The following DHRSX variants were observed in gnomAD, a reference collection of about 807,000 sequenced individuals.
The protein encoded by DHRSX is polyprenol dehydrogenase.
Under a neutral mutation model 34.0 loss-of-function variants are expected in DHRSX, and 31 were observed. The observed-to-expected ratio is 0.91, with a 90% confidence interval of 0.69 to 1.23. The LOEUF (loss-of-function observed/expected upper bound fraction) is 1.23. Among genes scored for constraint, DHRSX ranks in the 50% most tolerant of loss-of-function variants. DHRSX has a pLI of 0.00. For synonymous variants in DHRSX, 201 were observed against 183.8 expected, an observed-to-expected ratio of 1.09 and a Z score of -0.76; for missense variants, 414 against 428.1, an observed-to-expected ratio of 0.97 and a Z score of 0.29.
chrX:2,489,707 T>G, intron 1 of DHRSX: 1 of 1,612,924 alleles, frequency 6.2e-7, no homozygotes, highest in Non-Finnish European at 8.5e-7. Flanking sequence ...CACGTTCTGC[T>G]GCTTCTGCTT....
chrX:2,248,876 T>C (rs968481804), intron 5 of DHRSX, among the ~76,000 whole-genome samples: 1 of 152,172 alleles, frequency 6.6e-6, no homozygotes, highest in South Asian at 2.1e-4. Context: ...TCAGACGTCG[T>C]TGAACCTAAG....
chrX:2,356,365 ACT>A (rs2042852120), intron 3 of DHRSX, among the ~76,000 whole-genome samples: 8 of 152,124 alleles, frequency 5.3e-5, no homozygotes, highest in Admixed American at 5.2e-4. Context: ...ACAAAGCAAG[ACT>A]CTGTCTCAAA....
chrX:2,251,081 G>A (rs924833163), intron 5 of DHRSX, among the ~76,000 whole-genome samples: 5 of 152,104 alleles, frequency 3.3e-5, no homozygotes, highest in African/African-American at 1.2e-4. Flanking sequence ...ACCTCCAGGG[G>A]CTCAGTTCTG....
chrX:2,393,565 G>A (rs112187230), intron 3 of DHRSX, among the ~76,000 whole-genome samples: 2,196 of 12,526 alleles, frequency 0.18, 59 homozygotes, highest in Non-Finnish European at 0.22. Flanking sequence ...GGCGCACACA[G>A]GACACCCAGG....
At chrX:2,321,534 CT>C (rs1222645110) in intron 3 of DHRSX, among the ~76,000 whole-genome samples, 1 of 152,024 alleles carries the variant, frequency 6.6e-6, no homozygotes, top group Non-Finnish European at 1.5e-5. Flanking sequence ...GATTCGTGCC[CT>C]TGTAAGAAGA....
intron 3 of DHRSX, among the ~76,000 whole-genome samples, chrX:2,385,150 ATG>A (rs1342291783): frequency 2.5e-5 from 3 of 117,906 alleles, no homozygotes; most frequent in Non-Finnish European, 3.6e-5. Flanking sequence ...GTGTATATAT[ATG>A]TGTGTGTGTG....
chrX:2,240,029 A>G (rs1367926575), intron 6 of DHRSX, among the ~76,000 whole-genome samples: 1 of 152,042 alleles, frequency 6.6e-6, no homozygotes, highest in Non-Finnish European at 1.5e-5. Flanking sequence ...GCGGTGGCTC[A>G]CGCCTGTAAT....
At chrX:2,446,986 G>C (rs958827756) in intron 1 of DHRSX, among the ~76,000 whole-genome samples, 2 of 151,736 alleles carry the variant, frequency 1.3e-5, no homozygotes, top group African/African-American at 4.8e-5. Context: ...ATGCAGCCAA[G>C]GGACGGCACT....
chrX:2,274,344 ATAT>A (rs949796421), intron 4 of DHRSX, among the ~76,000 whole-genome samples: 2 of 148,996 alleles, frequency 1.3e-5, no homozygotes, highest in East Asian at 2.0e-4. Context: ...AGCCCTACTA[ATAT>A]TATTATTTTT....
At chrX:2,364,582 T>C (rs1190390944) in intron 3 of DHRSX, among the ~76,000 whole-genome samples, 1 of 152,224 alleles carries the variant, frequency 6.6e-6, no homozygotes, top group Non-Finnish European at 1.5e-5. Flanking sequence ...CACCTACTTA[T>C]CTACCGTCTA....
chrX:2,394,107 G>T (rs1286996510), intron 3 of DHRSX, among the ~76,000 whole-genome samples: 1 of 152,218 alleles, frequency 6.6e-6, no homozygotes, highest in African/African-American at 2.4e-5. Flanking sequence ...AGGGGGAACC[G>T]GATGGAAGGC....
intron 3 of DHRSX, among the ~76,000 whole-genome samples, chrX:2,354,712 A>G (rs1387405056): frequency 2.0e-5 from 3 of 152,144 alleles, no homozygotes; most frequent in Admixed American, 6.5e-5. Flanking sequence ...TGCCCGCCTC[A>G]GCCTCCCAAA....
intron 4 of DHRSX, among the ~76,000 whole-genome samples, chrX:2,285,792 C>T (rs1391130581): frequency 2.6e-5 from 4 of 152,154 alleles, no homozygotes; most frequent in African/African-American, 9.7e-5. Context: ...CCAGCAATCT[C>T]ATTTGCACAC....
intron 1 of DHRSX, 163 bp downstream of exon 1, chrX:2,500,654 G>GCCCCCCCCCCCCCCCCCCCCCCCC (rs546772121): frequency 7.9e-6 from 1 of 126,688 alleles, no homozygotes; most frequent in Non-Finnish European, 1.7e-5. Context: ...CGCGCACGCC[G>GCCCCCCCCCCCCCCCCCCCCCCCC]CCCCCCCCCC....
At chrX:2,327,269 C>T (rs1446811024) in intron 3 of DHRSX, among the ~76,000 whole-genome samples, 1 of 152,208 alleles carries the variant, frequency 6.6e-6, no homozygotes, top group Non-Finnish European at 1.5e-5. Context: ...GCATTGGAAA[C>T]ACTCATGAGA....
At chrX:2,295,425 G>A (rs760978818) in intron 3 of DHRSX, among the ~76,000 whole-genome samples, 37 of 152,212 alleles carry the variant, frequency 2.4e-4, no homozygotes, top group Admixed American at 6.5e-4. Context: ...GGGCTTGCTG[G>A]GGGGTGGAGG....
intron 5 of DHRSX, among the ~76,000 whole-genome samples, chrX:2,257,729 G>A (rs1341634676): frequency 1.4e-4 from 21 of 152,066 alleles, no homozygotes; most frequent in East Asian, 5.8e-4. Context: ...GGGTTCAAGC[G>A]ATTCTCCTGC....
chrX:2,309,785 T>C (rs2042142095), intron 3 of DHRSX, among the ~76,000 whole-genome samples: 1 of 152,120 alleles, frequency 6.6e-6, no homozygotes, highest in African/African-American at 2.4e-5. Context: ...TGGTGGTGCA[T>C]GTCTGCAATC....
At chrX:2,371,578 A>T (rs2043070219) in intron 3 of DHRSX, among the ~76,000 whole-genome samples, 1 of 147,964 alleles carries the variant, frequency 6.8e-6, no homozygotes, top group Admixed American at 6.7e-5. Flanking sequence ...CCATTACCAT[A>T]GTACCTCCTC....
Sources: allele counts gnomAD v4.1 joint callset (sites outside exome capture counted in the v4.1 genomes callset), GRCh38; gene constraint gnomAD v4.1.1; transcripts MANE v1.5; gene names NCBI Gene and HGNC (gene_info 2026-07-23, HGNC 2026-07-21).